Variants in SAMD5 observed in about 807,000 individuals in gnomAD.
SAMD5 encodes the protein sterile alpha motif domain-containing protein 5.
In SAMD5, 13 loss-of-function variants were observed where a neutral mutation model predicts 11.3. That is an observed-to-expected ratio of 1.15 (90% CI 0.75 to 1.83). The LOEUF is 1.83. SAMD5 is among the 40% of genes most tolerant of loss of function. The pLI is 0.00. For missense variants in SAMD5, 255 were observed against 239.1 expected (o/e 1.07, Z -0.44); for synonymous variants, 129 against 111.3 (o/e 1.16, Z -1.00).
chr6:147,629,948 C>CTTTTTT (rs770484060), intron 1 of SAMD5, among the ~76,000 whole-genome samples: 6 of 123,246 alleles, frequency 4.9e-5, no homozygotes, highest in African/African-American at 8.9e-5. Flanking sequence ...GTTTTCTTTT[C>CTTTTTT]TTTTTTTTTT....
the SAMD5 span, among the ~76,000 whole-genome samples, chr6:147,888,957 G>A: frequency 2.0e-5 from 3 of 151,700 alleles, no homozygotes; most frequent in South Asian, 6.2e-4. Flanking sequence ...CCTTAGTATA[G>A]TTTTCTTCAT....
chr6:147,935,740 T>C, the SAMD5 span, among the ~76,000 whole-genome samples: 547 of 152,300 alleles, frequency 3.6e-3, 3 homozygotes, highest in African/African-American at 0.013. Context: ...AAGGTCTCCC[T>C]AGATCTGTGG....
At chr6:147,745,765 G>A in the SAMD5 span, among the ~76,000 whole-genome samples, 2 of 148,524 alleles carry the variant, frequency 1.3e-5, no homozygotes, top group Admixed American at 6.7e-5. Context: ...CTCTGGGAAG[G>A]TTTCTTTCTT....
intron 1 of SAMD5, among the ~76,000 whole-genome samples, chr6:147,527,871 G>A (rs940950001): frequency 6.6e-6 from 1 of 152,108 alleles, no homozygotes; most frequent in African/African-American, 2.4e-5. Context: ...TGCAGGCTAT[G>A]CAAGAAGCAT....
chr6:147,783,199 ACT>A, the SAMD5 span, among the ~76,000 whole-genome samples: 9 of 152,146 alleles, frequency 5.9e-5, no homozygotes, highest in South Asian at 1.9e-3. Context: ...TAAGTCTTAT[ACT>A]CTCTATGTGA....
chr6:147,531,706 G>A (rs1788432530), intron 1 of SAMD5, among the ~76,000 whole-genome samples: 1 of 152,182 alleles, frequency 6.6e-6, no homozygotes, highest in African/African-American at 2.4e-5. Flanking sequence ...AAAACATTCT[G>A]TGAGGATCAA....
chr6:147,606,586 T>G (rs1789705439), intron 1 of SAMD5, among the ~76,000 whole-genome samples: 1 of 151,958 alleles, frequency 6.6e-6, no homozygotes, highest in Non-Finnish European at 1.5e-5. Context: ...AAAAAAAGAC[T>G]TTTTAAATAG....
In SAMD5 at chr6:147,699,926, A is replaced by G. The variant is rs561583218; in HGVS notation, c.163-37391A>G. 2.6e-3 allele frequency among the ~76,000 whole-genome samples: 397 copies of G among 152,350 alleles called. 3 individuals are homozygous for G. Among genetic ancestry groups the G allele is most frequent in the African/African-American group, 9.1e-3 (378 of 41,586 alleles). On this transcript the variant is annotated intron_variant, in intron 1 of 1. Transcript: ENST00000566741. The stretch of plus-strand genomic sequence containing the variant: ...TGAATTAAATGTTTTATATTTAATC[A>G]AAGCAAGATTGAAATTCATTATTAC...
the SAMD5 span, among the ~76,000 whole-genome samples, chr6:147,816,213 G>T: frequency 7.1e-6 from 1 of 140,324 alleles, no homozygotes; most frequent in Non-Finnish European, 1.5e-5. Flanking sequence ...CCAGGAGAAA[G>T]AGGTTGCTGT....
intron 1 of SAMD5, among the ~76,000 whole-genome samples, chr6:147,643,737 G>T (rs1790348057): frequency 7.9e-6 from 1 of 126,606 alleles, no homozygotes; most frequent in Non-Finnish European, 1.7e-5. Flanking sequence ...GAGAAAGAGG[G>T]AAGGAAAGAA....
At position 147,516,861 on chromosome 6, in the gene SAMD5, C is replaced by T. The variant is rs79252123; in HGVS notation, c.459+7474C>T. On this transcript the variant is annotated intron_variant, in intron 1 of 1. Transcript: ENST00000367474. ...GTCAAAATTAGCAGCTTTGGGGTCA[C>T]TCAGTAAATAGGTTTTTGTAGCATA... 5.9e-3 allele frequency among the ~76,000 whole-genome samples: 897 copies of T among 152,282 alleles called. 7 individuals are homozygous for T. Among genetic ancestry groups the T allele is most frequent in the African/African-American group, 0.021 (866 of 41,566 alleles).
chr6:147,796,106 A>C, the SAMD5 span, among the ~76,000 whole-genome samples: 4 of 148,432 alleles, frequency 2.7e-5, no homozygotes, highest in African/African-American at 1.0e-4. Flanking sequence ...TTTTGTTGCC[A>C]TTGCTTTTGG....
At position 147,569,956 on chromosome 6, in the gene SAMD5, G is replaced by A; in HGVS notation, c.*5500G>A. ...TAGCATTATGAACCATGTAATGCAT[G>A]CCCATGCACACTGTGATTTGCAAAC... On this transcript the variant is annotated 3_prime_UTR_variant, in exon 2 of 2. Transcript: ENST00000367474. 1.0e-6 allele frequency: 1 copy of A among 984,194 alleles called. No homozygotes were observed. The highest frequency in any genetic ancestry group is 1.2e-6 in the Non-Finnish European group (1 of 828,798). The allele number at this position is 984,194 out of a possible 1,614,324, so 61.0% of individuals were successfully genotyped here. A position where few individuals can be genotyped will look rare whatever the true frequency, so the allele number is the denominator to read the frequency against.
the SAMD5 span, among the ~76,000 whole-genome samples, chr6:147,801,735 C>G: frequency 8.4e-3 from 1,281 of 152,222 alleles, 19 homozygotes; most frequent in African/African-American, 0.029. Flanking sequence ...GACAGAGGAG[C>G]CTGTGGTATT....
At chr6:147,905,837 G>A in the SAMD5 span, among the ~76,000 whole-genome samples, 2 of 152,098 alleles carry the variant, frequency 1.3e-5, no homozygotes, top group Non-Finnish European at 2.9e-5. Flanking sequence ...TGCCAAAGAC[G>A]CCTATCCTCT....
chr6:147,945,027 C>T, the SAMD5 span, among the ~76,000 whole-genome samples: 1 of 152,196 alleles, frequency 6.6e-6, no homozygotes, highest in Non-Finnish European at 1.5e-5. Context: ...TGCATCTAAA[C>T]TCCATAGTGG....
At chr6:147,631,339 G>A (rs947423167) in intron 1 of SAMD5, among the ~76,000 whole-genome samples, 1 of 152,164 alleles carries the variant, frequency 6.6e-6, no homozygotes, top group African/African-American at 2.4e-5. Flanking sequence ...AGTGCCCAAG[G>A]GGGTTCAGCA....
At chr6:147,856,535 AAGATAGGACAGG>A in the SAMD5 span, among the ~76,000 whole-genome samples, 1 of 152,224 alleles carries the variant, frequency 6.6e-6, no homozygotes, top group African/African-American at 2.4e-5. Context: ...CAAGAGATGT[AAGATAGGACAGG>A]ATGTGTAGAG....
At chr6:147,886,579 G>A in the SAMD5 span, among the ~76,000 whole-genome samples, 2 of 152,034 alleles carry the variant, frequency 1.3e-5, no homozygotes, top group South Asian at 2.1e-4. Flanking sequence ...GTGATGGGAG[G>A]TGACTCCTGG....
Sources: allele counts gnomAD v4.1 joint callset (sites outside exome capture counted in the v4.1 genomes callset), GRCh38; gene constraint gnomAD v4.1.1; transcripts MANE v1.5; gene names NCBI Gene and HGNC (gene_info 2026-07-23, HGNC 2026-07-21).